Variants in SULT2A1 observed in about 807,000 individuals in gnomAD.
The protein encoded by SULT2A1 is sulfotransferase 2A1.
In SULT2A1, 43 loss-of-function variants were observed where a neutral mutation model predicts 33.9. The observed-to-expected ratio is 1.27, with a 90% CI of 1.00 to 1.64. SULT2A1 has a LOEUF of 1.64. SULT2A1 is among the 40% of genes most tolerant of loss of function. The pLI, the probability that SULT2A1 is intolerant of heterozygous loss-of-function variation, is 0.00. For missense variants in SULT2A1, 300 were observed against 335.1 expected (o/e 0.90, Z 0.82); for synonymous variants, 125 against 113.6 (o/e 1.10, Z -0.64).
chr19:47,881,661 C>T (rs767868995), intron 3 of SULT2A1, among the ~76,000 whole-genome samples: 11 of 151,794 alleles, frequency 7.2e-5, no homozygotes, highest in Admixed American at 2.6e-4. Context: ...AAATATATAG[C>T]GATCCTAGAG....
At chr19:47,873,681 T>C (rs1968515167) in intron 5 of SULT2A1, among the ~76,000 whole-genome samples, 1 of 119,550 alleles carries the variant, frequency 8.4e-6, no homozygotes, top group Non-Finnish European at 1.6e-5. Flanking sequence ...TGGAGTGCAG[T>C]GGCACGATCT....
At chr19:47,872,675 C>T (rs1238768069) in intron 5 of SULT2A1, among the ~76,000 whole-genome samples, 1 of 151,984 alleles carries the variant, frequency 6.6e-6, no homozygotes, top group Non-Finnish European at 1.5e-5. Context: ...TCATGTAGGA[C>T]AGGTTCTGTG....
chr19:47,871,634 T>C, intron 5 of SULT2A1, 67 bp from the exon 6 acceptor site: 1 of 1,045,384 alleles, frequency 9.6e-7, no homozygotes, highest in South Asian at 1.3e-5. Flanking sequence ...ACCAGGCACC[T>C]GACATGGACA....
Position 47,882,226 on chromosome 19 carries a change from G to A in SULT2A1, c.346-16C>T, listed in dbSNP as rs1451568190. 6 of 1,603,294 alleles carry A rather than the reference G, an allele frequency of 3.7e-6. No individual in the cohort carries two copies. Among genetic ancestry groups the A allele is most frequent in the East Asian group, 2.2e-5 (1 of 44,668 alleles). On this transcript the variant is annotated splice_polypyrimidine_tract_variant and intron_variant, in intron 2 of 5. Transcript: ENST00000222002. ...GATAAATCACCTTAAATGGAAAAAC[G>A]GGAGAATGAAAAATCAATACAGTCA...
intron 1 of SULT2A1, among the ~76,000 whole-genome samples, chr19:47,884,159 T>TTA (rs1418476228): frequency 1.5e-5 from 2 of 134,292 alleles, no homozygotes; most frequent in African/African-American, 5.8e-5. Context: ...CCTTAATTTT[T>TTA]TTATTATTTA....
At chr19:47,879,802 T>G (rs1968584592) in intron 3 of SULT2A1, among the ~76,000 whole-genome samples, 3 of 143,776 alleles carry the variant, frequency 2.1e-5, no homozygotes, top group African/African-American at 5.1e-5. Context: ...GGGGGAGGGA[T>G]AGCATTAGGA....
intron 4 of SULT2A1, among the ~76,000 whole-genome samples, chr19:47,876,305 C>T (rs544315940): frequency 2.8e-4 from 42 of 152,218 alleles, no homozygotes; most frequent in African/African-American, 9.6e-4. Context: ...TGTGAACCAC[C>T]GCACCTGGCC....
chr19:47,874,572 T>C (rs1439860794), intron 5 of SULT2A1, 85 bp downstream of exon 5: 1 of 667,504 alleles, frequency 1.5e-6, no homozygotes, highest in South Asian at 1.9e-5. Context: ...CACTCTTTCA[T>C]CTCAACTGTT....
chr19:47,881,747 C>A (rs1968606174), intron 3 of SULT2A1, among the ~76,000 whole-genome samples: 1 of 151,934 alleles, frequency 6.6e-6, no homozygotes, highest in South Asian at 2.1e-4. Flanking sequence ...AAAAAAATGG[C>A]GGAAGGTCAG....
In SULT2A1 at chr19:47,871,525, G is replaced by A; in HGVS notation, c.788C>T (p.Ala263Val). The A allele has an allele frequency of 6.2e-7, 1 of 1,614,030 alleles. No homozygotes were observed. Among genetic ancestry groups the A allele is most frequent in the Non-Finnish European group, 8.5e-7 (1 of 1,180,016 alleles). ...DWKNHFTVAQ[A>V]EDFDKLFQEK... Reference sequence around the variant, plus strand: ...TTGGAACAATTTATCAAAGTCTTCAGCTTGGGCCACTGTGAAGTGATTTTT... The same window carrying A: ...TTGGAACAATTTATCAAAGTCTTCAACTTGGGCCACTGTGAAGTGATTTTT... The change falls in exon 6 of 6, where the codon GCT becomes GTT. Residue 263 changes from alanine to valine, a missense_variant. Coordinates refer to ENST00000222002, the MANE Select transcript of SULT2A1 (RefSeq NM_003167.4).
In SULT2A1 at chr19:47,884,719, C is replaced by T. The variant is rs560780045; in HGVS notation, c.137-934G>A. 2.2e-4 allele frequency among the ~76,000 whole-genome samples: 33 copies of T among 151,274 alleles called. No individual in the cohort carries two copies. In the South Asian group the frequency reaches 2.3e-3, roughly 11 times the overall value. ...CTATGTTGCCCAGGCTGGTCTTGAA[C>T]GCTTGACCTCAAGCAATCTGCCTAT... is the stretch of plus-strand genomic sequence containing the variant. On this transcript the variant is annotated intron_variant, in intron 1 of 5. Coordinates refer to ENST00000222002, the MANE Select transcript of SULT2A1 (RefSeq NM_003167.4).
At chr19:47,872,212 C>T (rs1477171691) in intron 5 of SULT2A1, among the ~76,000 whole-genome samples, 1 of 152,196 alleles carries the variant, frequency 6.6e-6, no homozygotes, top group East Asian at 1.9e-4. Context: ...GCCACCACAC[C>T]CGGCCTGGCC....
At chr19:47,878,383 C>T (rs748259840) in intron 4 of SULT2A1, among the ~76,000 whole-genome samples, 5 of 151,610 alleles carry the variant, frequency 3.3e-5, no homozygotes, top group Non-Finnish European at 4.4e-5. Flanking sequence ...CTTGCTGTTT[C>T]GTAGACTGGA....
intron 3 of SULT2A1, among the ~76,000 whole-genome samples, chr19:47,879,943 A>G (rs1410950100): frequency 6.6e-6 from 1 of 151,644 alleles, no homozygotes; most frequent in Non-Finnish European, 1.5e-5. Flanking sequence ...AAAAAATTAA[A>G]AAAAAAACCT....
In SULT2A1 at chr19:47,871,394, C is replaced by T; in HGVS notation, c.*61G>A. ...CTTACACAATGACCCCAGTCAGGTA[C>T]ATGTACAAGGACAGGAGAATCAATG... is the stretch of plus-strand genomic sequence containing the variant. On this transcript the variant is annotated 3_prime_UTR_variant, in exon 6 of 6. Transcript: ENST00000222002. 3.3e-6 allele frequency: 4 copies of T among 1,228,750 alleles called. No homozygotes were observed. The highest frequency in any genetic ancestry group is 1.2e-5 in the South Asian group (1 of 82,618). 76.1% of individuals were successfully genotyped at this position (1,228,750 alleles called of 1,614,324 possible). A position where few individuals can be genotyped will look rare whatever the true frequency, so the allele number is the denominator to read the frequency against.
intron 4 of SULT2A1, among the ~76,000 whole-genome samples, chr19:47,877,152 G>A (rs1207108327): frequency 1.3e-5 from 2 of 151,768 alleles, no homozygotes; most frequent in Non-Finnish European, 2.9e-5. Context: ...CCAGAGGAAG[G>A]TGTTGGGACG....
intron 1 of SULT2A1, 136 bp downstream of exon 1, chr19:47,885,986 T>C: frequency 9.2e-7 from 1 of 1,081,118 alleles, no homozygotes; most frequent in Non-Finnish European, 1.3e-6. Flanking sequence ...TCTCTGATTG[T>C]CAATGGTATT....
chr19:47,879,410 T>C (rs1323164656), intron 3 of SULT2A1, among the ~76,000 whole-genome samples: 1 of 152,122 alleles, frequency 6.6e-6, no homozygotes, highest in Non-Finnish European at 1.5e-5. Flanking sequence ...AGTGGCCTAA[T>C]TGACTCACAG....
chr19:47,880,800 C>G (rs1484864001), intron 3 of SULT2A1, among the ~76,000 whole-genome samples: 4 of 151,992 alleles, frequency 2.6e-5, no homozygotes, highest in African/African-American at 9.7e-5. Flanking sequence ...GTTGGCCAGG[C>G]TGGTCTTGAA....
Sources: allele counts gnomAD v4.1 joint callset (sites outside exome capture counted in the v4.1 genomes callset), GRCh38; gene constraint gnomAD v4.1.1; transcripts MANE v1.5; gene names NCBI Gene and HGNC (gene_info 2026-07-23, HGNC 2026-07-21).